Variants in NMNAT3 observed in about 807,000 individuals in gnomAD.
NMNAT3 encodes the protein nicotinamide nucleotide adenylyltransferase 3.
NMNAT3 carries 21 observed loss-of-function variants against 24.8 expected under a neutral mutation model. That is an observed-to-expected ratio of 0.85 (90% CI 0.60 to 1.22). NMNAT3 has a LOEUF of 1.22. Ranked by LOEUF, NMNAT3 falls within the 50% of genes most tolerant of loss-of-function variation. The pLI is 0.00. For missense variants in NMNAT3, 387 were observed against 436.6 expected, an observed-to-expected ratio of 0.89 and a Z score of 1.01; for synonymous variants, 136 against 155.2, an observed-to-expected ratio of 0.88 and a Z score of 0.92.
At chr3:139,568,222 T>G (rs996995288) in intron 6 of NMNAT3, 1 of 152,176 alleles carries the variant, frequency 6.6e-6, no homozygotes, top group Non-Finnish European at 1.5e-5. Flanking sequence ...TCTATTTGAT[T>G]CTTCTCTCTT....
At chr3:139,675,339 G>A (rs1164451525) in intron 1 of NMNAT3, among the ~76,000 whole-genome samples, 6 of 152,172 alleles carry the variant, frequency 3.9e-5, no homozygotes, top group African/African-American at 1.2e-4. Flanking sequence ...TGCTCAAAGG[G>A]ATGGCAAGGG....
chr3:139,663,037 T>G (rs2057467037), intron 1 of NMNAT3, among the ~76,000 whole-genome samples: 1 of 152,214 alleles, frequency 6.6e-6, no homozygotes, highest in African/African-American at 2.4e-5. Context: ...ACAACACACA[T>G]TTATTATCTT....
chr3:139,578,425 A>G (rs1243000388), intron 5 of NMNAT3, among the ~76,000 whole-genome samples: 2 of 152,248 alleles, frequency 1.3e-5, no homozygotes, highest in African/African-American at 2.4e-5. Flanking sequence ...AATGATAAAA[A>G]TAACAAAAGG....
intron 1 of NMNAT3, among the ~76,000 whole-genome samples, chr3:139,645,003 A>G (rs2056825315): frequency 6.6e-6 from 1 of 152,136 alleles, no homozygotes. Flanking sequence ...GGAGTTCGAG[A>G]CTAGCCTGAA....
rs766372347 is a variant in NMNAT3 at position 139,614,488 on chromosome 3, TC to T, written c.109+13127del. ...GCCTTGGGCCCACAGACCTGGGTTC[TC>T]TTTAGCTTGCTTTCTTCTGGAATAG... On this transcript the variant is annotated intron_variant, in intron 3 of 6. Coordinates refer to ENST00000643695, the MANE Select transcript of NMNAT3 (RefSeq NM_001320510.2). 8.1e-4 allele frequency among the ~76,000 whole-genome samples: 124 copies of T among 152,348 alleles called. 2 individuals carry two copies. The highest frequency in any genetic ancestry group is 1.3e-3 in the Non-Finnish European group (87 of 68,030).
At chr3:139,607,193 A>G (rs1360294541) in intron 3 of NMNAT3, among the ~76,000 whole-genome samples, 1 of 151,922 alleles carries the variant, frequency 6.6e-6, no homozygotes, top group East Asian at 1.9e-4. Flanking sequence ...TCTATCCTCA[A>G]ATGTGTACAC....
At chr3:139,568,970 G>A (rs559406029) in intron 6 of NMNAT3, 17 of 152,220 alleles carry the variant, frequency 1.1e-4, no homozygotes, top group African/African-American at 4.1e-4. Flanking sequence ...TTATTGTGTG[G>A]GAGTCTAAGT....
At chr3:139,639,999 C>G (rs1392892349) in intron 1 of NMNAT3, among the ~76,000 whole-genome samples, 1 of 152,176 alleles carries the variant, frequency 6.6e-6, no homozygotes, top group Non-Finnish European at 1.5e-5. Flanking sequence ...AAGTGACTGT[C>G]TACATGGCCA....
intron 5 of NMNAT3, among the ~76,000 whole-genome samples, chr3:139,576,732 G>A (rs1576545231): frequency 6.6e-6 from 1 of 152,060 alleles, no homozygotes; most frequent in African/African-American, 2.4e-5. Flanking sequence ...CTAACACTGA[G>A]CAACACAAGA....
chr3:139,677,058 T>G (rs562848147), intron 1 of NMNAT3, among the ~76,000 whole-genome samples: 2 of 152,294 alleles, frequency 1.3e-5, no homozygotes, highest in East Asian at 3.9e-4. Context: ...CCAACCCTCC[T>G]TTCCTCAAGC....
At chr3:139,575,570 T>C (rs1939174949) in intron 5 of NMNAT3, 2 of 995,092 alleles carry the variant, frequency 2.0e-6, no homozygotes. Context: ...GTGGTGATTC[T>C]CATTTTACTT....
intron 1 of NMNAT3, among the ~76,000 whole-genome samples, chr3:139,658,013 C>A (rs975594406): frequency 1.3e-5 from 2 of 151,996 alleles, no homozygotes; most frequent in African/African-American, 4.8e-5. Context: ...CCCCAGGAAC[C>A]CCAACACACT....
chr3:139,649,144 A>G (rs1271990147), intron 1 of NMNAT3, among the ~76,000 whole-genome samples: 1 of 152,188 alleles, frequency 6.6e-6, no homozygotes, highest in Non-Finnish European at 1.5e-5. Flanking sequence ...AAAAAAGATG[A>G]AAATGCAATA....
intron 6 of NMNAT3, chr3:139,568,324 T>C (rs1937551883): frequency 6.6e-6 from 1 of 152,234 alleles, no homozygotes; most frequent in African/African-American, 2.4e-5. Flanking sequence ...TGAAGGGTGT[T>C]TTTGTGTCTC....
chr3:139,567,810 GT>G (rs1355266122), intron 6 of NMNAT3: 2 of 151,966 alleles, frequency 1.3e-5, no homozygotes, highest in Non-Finnish European at 2.9e-5. Flanking sequence ...CTCTTTTTTT[GT>G]TGTGTCTCTG....
intron 3 of NMNAT3, among the ~76,000 whole-genome samples, chr3:139,619,637 A>C (rs1559917637): frequency 2.6e-5 from 4 of 152,106 alleles, no homozygotes; most frequent in African/African-American, 9.7e-5. Context: ...AGTAGAGTAC[A>C]AGCCCTGCCC....
intron 3 of NMNAT3, among the ~76,000 whole-genome samples, chr3:139,606,734 G>A (rs117717602): frequency 6.6e-6 from 1 of 152,230 alleles, no homozygotes; most frequent in East Asian, 1.9e-4. Context: ...CCGTAAGGAA[G>A]GATTGACCTT....
intron 1 of NMNAT3, among the ~76,000 whole-genome samples, chr3:139,675,442 C>T (rs1238095622): frequency 1.3e-5 from 2 of 152,204 alleles, no homozygotes; most frequent in Non-Finnish European, 2.9e-5. Context: ...AGACCCTTTT[C>T]AACCCTAGTT....
intron 1 of NMNAT3, among the ~76,000 whole-genome samples, chr3:139,669,476 CAGA>C (rs1559976033): frequency 1.7e-4 from 6 of 34,462 alleles, no homozygotes; most frequent in Non-Finnish European, 1.1e-4. Flanking sequence ...GACCCTGTCT[CAGA>C]AAAAAAAAAA....
Sources: gnomAD v4.1 joint callset for allele counts (sites outside exome capture counted in the v4.1 genomes callset) on GRCh38, gnomAD v4.1.1 for gene constraint, MANE v1.5 for transcripts, NCBI Gene and HGNC (gene_info 2026-07-23, HGNC 2026-07-21) for gene names.